IKBKE: variants seen among roughly 807,000 people sequenced by gnomAD.
The protein encoded by IKBKE is inhibitor of nuclear factor kappa-B kinase subunit epsilon.
IKBKE carries 45 observed loss-of-function variants against 92.1 expected under a neutral mutation model. That is an observed-to-expected ratio of 0.49 (90% confidence interval 0.38 to 0.63). IKBKE has a LOEUF of 0.63. IKBKE is among the 20% of genes least tolerant of loss of function. The pLI is 0.00. For missense variants in IKBKE, 700 were observed against 932.8 expected (o/e 0.75, Z 3.25); for synonymous variants, 374 against 380.3 (o/e 0.98, Z 0.19).
At chr1:206,493,209 A>C (rs1572269391) in intron 19 of IKBKE, 57 bp from the exon 20 acceptor site, 2 of 1,563,298 alleles carry the variant, frequency 1.3e-6, no homozygotes, top group Admixed American at 1.7e-5. Context: ...CACTCCCCCT[A>C]CCCAGCCACA....
chr1:206,494,445 T>G (rs1190138917), intron 21 of IKBKE, among the ~76,000 whole-genome samples: 5 of 152,054 alleles, frequency 3.3e-5, no homozygotes, highest in East Asian at 1.9e-4. Context: ...CTCCTGCCAA[T>G]GCTCATGGGC....
Position 206,491,667 on chromosome 1 carries a change from G to T in IKBKE, c.1753G>T (p.Ala585Ser). ...KLDKVNFSHL[A>S]KRLLQVFQEE... is the part of the protein sequence containing the mutation. ...TTCTAGGGTGAATTTCAGTCATTTA[G>T]CCAAAAGACTCCTGCAGGTGTTCCA... The change falls in exon 18 of 22, where the codon GCC (alanine) becomes TCC (serine). Residue 585 changes from alanine (A) to serine (S), a missense_variant. Physicochemically the swap from Ala to Ser is moderately conservative, Grantham distance 99. Transcript: ENST00000581977. 6.2e-7 allele frequency: 1 copy of T among 1,613,198 alleles called. No homozygotes were observed. Among genetic ancestry groups the T allele is most frequent in the Non-Finnish European group, 8.5e-7 (1 of 1,179,378 alleles).
rs1053157249 is a variant in IKBKE at position 206,490,301 on chromosome 1, C to A, written c.1694-518C>A. On this transcript the variant is annotated intron_variant, in intron 16 of 21. Transcript: ENST00000581977. This position sits in a 1 kb window ranked among gnomAD's most constrained non-coding sequence, Gnocchi z 5.2. ...CTAGTGCATGAGCCTTAGGGCCCTT[C>A]AGGAGGCAGCCAAGGCCATGAAAGC... Among the ~76,000 whole-genome samples, 3 of 152,234 alleles carry A rather than the reference C, an allele frequency of 2.0e-5. No individual in the cohort carries two copies. Among genetic ancestry groups the A allele is most frequent in the African/African-American group, 7.2e-5 (3 of 41,454 alleles).
Position 206,485,794 on chromosome 1 carries a change from C to G in IKBKE, c.1616+488C>G, listed in dbSNP as rs1665620631. On this transcript the variant is annotated intron_variant, in intron 15 of 21. Coordinates refer to ENST00000581977, the MANE Select transcript of IKBKE (RefSeq NM_014002.4). The surrounding 1 kb of genome is among the most constrained non-coding windows in gnomAD (Gnocchi z 5.0). ...GGTCGGGTCTGTCCACCTCCAAAGC[C>G]TATGTTCTTGGCCTATGCCAGGCAG... 1.3e-5 allele frequency among the ~76,000 whole-genome samples: 2 copies of G among 152,238 alleles called. No individual in the cohort carries two copies. The highest frequency in any genetic ancestry group is 2.9e-5 in the Non-Finnish European group (2 of 68,044).
At chr1:206,474,010 C>T (rs1191837097) in intron 3 of IKBKE, among the ~76,000 whole-genome samples, 2 of 150,582 alleles carry the variant, frequency 1.3e-5, no homozygotes, top group Non-Finnish European at 1.5e-5. Flanking sequence ...AGACCAGGTT[C>T]CAATCCCTTC....
At position 206,482,136 on chromosome 1, in the gene IKBKE, G is replaced by C. The variant is rs74145697; in HGVS notation, c.1427+1603G>C. Among the ~76,000 whole-genome samples, 9 of 152,202 alleles carry C rather than the reference G, an allele frequency of 5.9e-5. No individual in the cohort carries two copies. In the East Asian group the frequency reaches 1.7e-3, roughly 29 times the overall value. The stretch of plus-strand genomic sequence containing the variant: ...GAATACCTCAGGCAGGAAGGTCTGC[G>C]CAGAGACAGAGAAGAAAAGGGCCCT... On this transcript the variant is annotated intron_variant, in intron 13 of 21. Coordinates refer to ENST00000581977, the MANE Select transcript of IKBKE (RefSeq NM_014002.4).
chr1:206,475,607 C>G (rs529655109), intron 5 of IKBKE, among the ~76,000 whole-genome samples: 2 of 152,060 alleles, frequency 1.3e-5, no homozygotes, highest in South Asian at 4.2e-4. Context: ...TGTGGTGGTG[C>G]ATGCCTGTAG....
At chr1:206,486,754 C>T (rs1314835950) in intron 15 of IKBKE, among the ~76,000 whole-genome samples, 14 of 142,114 alleles carry the variant, frequency 9.9e-5, no homozygotes, top group Admixed American at 7.2e-4. Context: ...ATGAAGGCTG[C>T]GGATCCCAGG....
rs1665714458 is a variant in IKBKE, at chr1:206,487,251, CAA to C, written c.1617-661_1617-660del. Among the ~76,000 whole-genome samples, 1 of 152,186 alleles carries C rather than the reference CAA, an allele frequency of 6.6e-6. No individual in the cohort carries two copies. Among genetic ancestry groups the C allele is most frequent in the Admixed American group, 6.5e-5 (1 of 15,282 alleles). On this transcript the variant is annotated intron_variant, in intron 15 of 21. Coordinates refer to ENST00000581977, the MANE Select transcript of IKBKE (RefSeq NM_014002.4). This position sits in a 1 kb window ranked among gnomAD's most constrained non-coding sequence, Gnocchi z 5.3. ...TCCCAGACACTCCCGACTTCTCAAA[CAA>C]AGTGTTTGTTTCCAGCCTGAAAAGG...
At chr1:206,482,661 C>G (rs374806299) in intron 13 of IKBKE, among the ~76,000 whole-genome samples, 1 of 152,222 alleles carries the variant, frequency 6.6e-6, no homozygotes, top group African/African-American at 2.4e-5. Context: ...CCAGGTGCAG[C>G]CTCTTCTCTT....
chr1:206,480,642 C>T, intron 13 of IKBKE, 109 bp downstream of exon 13: 1 of 799,440 alleles, frequency 1.3e-6, no homozygotes, highest in South Asian at 1.5e-5. Context: ...AGGGCTACTG[C>T]CTTCCCTGCC....
intron 5 of IKBKE, among the ~76,000 whole-genome samples, chr1:206,475,353 C>T (rs1553384978): frequency 6.6e-6 from 1 of 152,186 alleles, no homozygotes; most frequent in African/African-American, 2.4e-5. Flanking sequence ...TCCACTCATA[C>T]ATTCATAGAA....
At chr1:206,484,024 A>G (rs1200131170) in intron 13 of IKBKE, among the ~76,000 whole-genome samples, 1 of 151,878 alleles carries the variant, frequency 6.6e-6, no homozygotes, top group Non-Finnish European at 1.5e-5. Flanking sequence ...TCCTGACCTC[A>G]AGCAATTCTC....
chr1:206,478,504 A>T lies in IKBKE; in HGVS notation c.992+165A>T, dbSNP rs1383963271. On this transcript the variant is annotated intron_variant, in intron 9 of 21. Coordinates refer to ENST00000581977, the MANE Select transcript of IKBKE (RefSeq NM_014002.4). This position sits in a 1 kb window ranked among gnomAD's most constrained non-coding sequence, Gnocchi z 4.8. Reference sequence around the variant, plus strand: ...AGACTAGTTCTACAAAGTTAAAGCTAAACAGGTTTTCTTGCATGTACTTCA... The same window carrying T: ...AGACTAGTTCTACAAAGTTAAAGCTTAACAGGTTTTCTTGCATGTACTTCA... 6.6e-6 allele frequency among the ~76,000 whole-genome samples: 1 copy of T among 152,248 alleles called. No homozygotes were observed. The highest frequency in any genetic ancestry group is 2.4e-5 in the African/African-American group (1 of 41,472).
At chr1:206,475,731 T>C (rs1665026956) in intron 5 of IKBKE, among the ~76,000 whole-genome samples, 2 of 92,624 alleles carry the variant, frequency 2.2e-5, no homozygotes, top group Admixed American at 1.8e-4. Context: ...AGTGAGACTC[T>C]GTCTCCAAAA....
At chr1:206,483,911 G>A (rs1370031509) in intron 13 of IKBKE, among the ~76,000 whole-genome samples, 9 of 151,874 alleles carry the variant, frequency 5.9e-5, no homozygotes, top group African/African-American at 1.9e-4. Flanking sequence ...AGCATTTCCT[G>A]TAAACTGGGA....
At chr1:206,492,153 C>A in intron 18 of IKBKE, 2 of 315,638 alleles carry the variant, frequency 6.3e-6, no homozygotes, top group Non-Finnish European at 1.2e-5. Flanking sequence ...TTCTACCGTT[C>A]CACCTGGTTA....
At chr1:206,492,682 G>A (rs1033167536) in intron 18 of IKBKE, 1 of 516,210 alleles carries the variant, frequency 1.9e-6, no homozygotes, top group Non-Finnish European at 3.9e-6. Flanking sequence ...TCCCCACACT[G>A]AGAGCCCTGG....
chr1:206,482,378 T>C (rs566937918), intron 13 of IKBKE, among the ~76,000 whole-genome samples: 1 of 152,260 alleles, frequency 6.6e-6, no homozygotes, highest in South Asian at 2.1e-4. Flanking sequence ...AAAGATGTGT[T>C]TGGGAAAGCT....
Sources: gnomAD v4.1 joint callset for allele counts (sites outside exome capture counted in the v4.1 genomes callset) on GRCh38, gnomAD v4.1.1 for gene constraint, Gnocchi (gnomAD v3.1) non-coding constraint, MANE v1.5 for transcripts, NCBI Gene and HGNC (gene_info 2026-07-23, HGNC 2026-07-21) for gene names.